The following GHR variants were observed in gnomAD, a reference collection of about 807,000 sequenced individuals.
GHR encodes growth hormone receptor.
Under a neutral mutation model 67.1 loss-of-function variants are expected in GHR, and 35 were observed. The observed-to-expected ratio is 0.52, with a 90% CI of 0.40 to 0.69. The LOEUF (loss-of-function observed/expected upper bound fraction) is 0.69. Ranked by LOEUF, GHR falls within the 30% of genes least tolerant of loss-of-function variation. The pLI, the probability that GHR is intolerant of heterozygous loss-of-function variation, is 0.00. For synonymous variants in GHR, 272 were observed against 269.1 expected, an observed-to-expected ratio of 1.01 and a Z score of -0.10; for missense variants, 792 against 764.6, an observed-to-expected ratio of 1.04 and a Z score of -0.42.
intron 2 of GHR, among the ~76,000 whole-genome samples, chr5:42,569,015 T>C (rs2112490155): frequency 6.6e-6 from 1 of 152,306 alleles, no homozygotes; most frequent in African/African-American, 2.4e-5. Context: ...TGAATCACAC[T>C]TTATAGAAGT....
chr5:42,553,634 G>T (rs1203566583), intron 1 of GHR, among the ~76,000 whole-genome samples: 1 of 152,290 alleles, frequency 6.6e-6, no homozygotes, highest in African/African-American at 2.4e-5. Flanking sequence ...AAGCCAGTGG[G>T]TTAGCCATCT....
intron 1 of GHR, among the ~76,000 whole-genome samples, chr5:42,453,529 T>C (rs1744137045): frequency 6.6e-6 from 1 of 152,170 alleles, no homozygotes; most frequent in African/African-American, 2.4e-5. Context: ...TCAGCTCCCC[T>C]GCCAAGTCAG....
At chr5:42,509,414 C>T (rs1332520572) in intron 1 of GHR, among the ~76,000 whole-genome samples, 1 of 152,206 alleles carries the variant, frequency 6.6e-6, no homozygotes, top group Non-Finnish European at 1.5e-5. Context: ...CCTAACTCTG[C>T]GCAGATAACC....
intron 1 of GHR, among the ~76,000 whole-genome samples, chr5:42,529,162 C>T (rs1486621527): frequency 6.6e-6 from 1 of 151,986 alleles, no homozygotes; most frequent in Non-Finnish European, 1.5e-5. Context: ...CAGGTGCCCA[C>T]CACAATGCCC....
intron 2 of GHR, among the ~76,000 whole-genome samples, chr5:42,583,370 A>G (rs1297948299): frequency 7.3e-6 from 1 of 137,686 alleles, no homozygotes; most frequent in Non-Finnish European, 1.6e-5. Flanking sequence ...TTGCACCCCC[A>G]TTACTTTGCG....
intron 1 of GHR, among the ~76,000 whole-genome samples, chr5:42,461,254 A>G (rs1744476590): frequency 6.6e-6 from 1 of 152,196 alleles, no homozygotes; most frequent in Admixed American, 6.5e-5. Flanking sequence ...CTATCTGTTT[A>G]CCACAGTGGA....
rs979033520 is a variant in GHR, at chr5:42,423,469, C to G, written c.-498C>G. Among the ~76,000 whole-genome samples, 4 of 152,226 alleles carry G rather than the reference C, an allele frequency of 2.6e-5. No homozygotes were observed. The South Asian group carries it at 8.3e-4, about 32-fold the overall frequency. ...AGAGTGACACGCACCAACTCCAGCT[C>G]CTCGCCGGGAAGACTTCATCCCAGC... On this transcript the variant is annotated 5_prime_UTR_variant, in exon 1 of 10. Coordinates refer to ENST00000230882, the MANE Select transcript of GHR (RefSeq NM_000163.5).
intron 1 of GHR, among the ~76,000 whole-genome samples, chr5:42,526,890 C>A (rs754388106): frequency 2.0e-5 from 3 of 152,178 alleles, no homozygotes; most frequent in Non-Finnish European, 4.4e-5. Context: ...GACCTCTCAG[C>A]TAAAACCCTA....
At chr5:42,687,575 A>C (rs1028434892) in intron 3 of GHR, among the ~76,000 whole-genome samples, 1 of 152,302 alleles carries the variant, frequency 6.6e-6, no homozygotes, top group African/African-American at 2.4e-5. Flanking sequence ...TGAATGATGG[A>C]TTTGTTTAGA....
chr5:42,684,977 G>A (rs147868235), intron 3 of GHR, among the ~76,000 whole-genome samples: 2,099 of 151,882 alleles, frequency 0.014, 49 homozygotes, highest in African/African-American at 0.048. Context: ...AAGTTCTGGG[G>A]TACATGTGCA....
At chr5:42,555,194 A>G (rs531230780) in intron 1 of GHR, among the ~76,000 whole-genome samples, 4 of 152,324 alleles carry the variant, frequency 2.6e-5, no homozygotes, top group African/African-American at 9.6e-5. Flanking sequence ...AGCACACTGC[A>G]TAGCTCTTGA....
intron 2 of GHR, among the ~76,000 whole-genome samples, chr5:42,605,090 CT>C (rs57499086): frequency 0.032 from 2,859 of 90,064 alleles, 29 homozygotes; most frequent in African/African-American, 0.068. Context: ...TGTGGTGCCT[CT>C]TTTTTTTTTT....
At chr5:42,592,577 G>T (rs1751841448) in intron 2 of GHR, among the ~76,000 whole-genome samples, 1 of 152,188 alleles carries the variant, frequency 6.6e-6, no homozygotes. Flanking sequence ...CTATCCATGT[G>T]GCTGCACAGG....
chr5:42,457,234 A>T (rs1240461203), intron 1 of GHR, among the ~76,000 whole-genome samples: 1 of 152,140 alleles, frequency 6.6e-6, no homozygotes, highest in Non-Finnish European at 1.5e-5. Flanking sequence ...CATTGGATTT[A>T]AGTGGGTATA....
chr5:42,606,550 C>T (rs146487043), intron 2 of GHR, among the ~76,000 whole-genome samples: 1 of 152,136 alleles, frequency 6.6e-6, no homozygotes, highest in African/African-American at 2.4e-5. Context: ...TCGGTTCTCT[C>T]GTAGAAACTA....
At chr5:42,446,858 G>C (rs1240724725) in intron 1 of GHR, among the ~76,000 whole-genome samples, 2 of 152,112 alleles carry the variant, frequency 1.3e-5, no homozygotes, top group African/African-American at 4.8e-5. Context: ...ACAGACAAGT[G>C]AACACCGCAC....
At chr5:42,513,615 G>C (rs1287250559) in intron 1 of GHR, among the ~76,000 whole-genome samples, 1 of 152,018 alleles carries the variant, frequency 6.6e-6, no homozygotes, top group African/African-American at 2.4e-5. Context: ...AAACCTTGTC[G>C]CTACTGAAAA....
chr5:42,591,876 ACT>A (rs773130615), intron 2 of GHR, among the ~76,000 whole-genome samples: 2 of 151,796 alleles, frequency 1.3e-5, no homozygotes, highest in Non-Finnish European at 2.9e-5. Context: ...GAATGTGCTA[ACT>A]CTCTCAGGGG....
chr5:42,665,709 C>A (rs1207391512), intron 3 of GHR, among the ~76,000 whole-genome samples: 1 of 149,854 alleles, frequency 6.7e-6, no homozygotes, highest in Admixed American at 6.8e-5. Context: ...GACTAACCTG[C>A]ACATTGTGCA....
Sources: gnomAD v4.1 joint callset for allele counts (sites outside exome capture counted in the v4.1 genomes callset) on GRCh38, gnomAD v4.1.1 for gene constraint, MANE v1.5 for transcripts, NCBI Gene and HGNC (gene_info 2026-07-23, HGNC 2026-07-21) for gene names.